Variants in INPP4A observed in about 807,000 individuals in gnomAD.
INPP4A encodes the protein inositol polyphosphate-4-phosphatase, type I, 107kD.
Under a neutral mutation model 119.8 loss-of-function variants are expected in INPP4A, and 33 were observed. That is an observed-to-expected ratio of 0.28 (90% CI 0.21 to 0.37). The LOEUF (loss-of-function observed/expected upper bound fraction) is 0.37, where lower values mean the gene tolerates loss of function less well. Ranked by LOEUF, INPP4A falls within the 10% of genes least tolerant of loss-of-function variation. INPP4A has a pLI of 1.00. For synonymous variants in INPP4A, 496 were observed against 500.7 expected, an observed-to-expected ratio of 0.99 and a Z score of 0.12; for missense variants, 956 against 1,289.9, an observed-to-expected ratio of 0.74 and a Z score of 3.97.
intron 1 of INPP4A, among the ~76,000 whole-genome samples, chr2:98,505,825 A>G (rs1683940421): frequency 6.6e-6 from 1 of 152,212 alleles, no homozygotes; most frequent in Non-Finnish European, 1.5e-5. Context: ...TGTCTCCACC[A>G]TTAGAAATAC....
intron 16 of INPP4A, 151 bp from the exon 17 acceptor site, chr2:98,559,312 G>T: frequency 1.2e-6 from 1 of 805,974 alleles, no homozygotes; most frequent in South Asian, 1.5e-5. Context: ...GCCTTCTTGG[G>T]GAAGAGGCAG....
intron 23 of INPP4A, among the ~76,000 whole-genome samples, chr2:98,574,793 T>G (rs1698142821): frequency 6.6e-6 from 1 of 152,186 alleles, no homozygotes; most frequent in African/African-American, 2.4e-5. Context: ...GTTTGGGAAC[T>G]GTGGTTCTAC....
chr2:98,541,036 A>C (rs1237145349), intron 10 of INPP4A, among the ~76,000 whole-genome samples: 1 of 152,258 alleles, frequency 6.6e-6, no homozygotes, highest in East Asian at 1.9e-4. Flanking sequence ...CTTAAAAATA[A>C]AGGGCAAGAG....
chr2:98,454,246 C>A (rs1204682167), intron 1 of INPP4A, among the ~76,000 whole-genome samples: 2 of 152,234 alleles, frequency 1.3e-5, no homozygotes, highest in East Asian at 3.8e-4. Flanking sequence ...TGACTCCCCG[C>A]TGGAATCCTC....
chr2:98,499,001 A>T (rs1682596139), intron 1 of INPP4A, among the ~76,000 whole-genome samples: 1 of 152,222 alleles, frequency 6.6e-6, no homozygotes, highest in African/African-American at 2.4e-5. Flanking sequence ...ACCTGAGCAG[A>T]CTAATCCACA....
intron 1 of INPP4A, among the ~76,000 whole-genome samples, chr2:98,513,534 T>A (rs1241046692): frequency 1.3e-5 from 2 of 152,248 alleles, no homozygotes; most frequent in African/African-American, 4.8e-5. Flanking sequence ...TGCCATTGGC[T>A]ATTGCTCTGG....
chr2:98,461,142 T>A (rs1018141469), intron 1 of INPP4A, among the ~76,000 whole-genome samples: 17 of 151,986 alleles, frequency 1.1e-4, no homozygotes, highest in African/African-American at 3.6e-4. Flanking sequence ...GAGGGGGTGG[T>A]TTGGTAGTGA....
chr2:98,501,239 CAGG>C (rs1683059180), intron 1 of INPP4A, among the ~76,000 whole-genome samples: 1 of 152,094 alleles, frequency 6.6e-6, no homozygotes, highest in African/African-American at 2.4e-5. Context: ...ATCGCTGAGG[CAGG>C]AGAATTGCTT....
intron 1 of INPP4A, among the ~76,000 whole-genome samples, chr2:98,479,251 T>C (rs1476541988): frequency 6.6e-6 from 1 of 152,184 alleles, no homozygotes. Context: ...GAGGTGCTCC[T>C]GTCCCCATTT....
rs1194285455 is a variant in INPP4A at position 98,593,622 on chromosome 2, T to TGTC, written c.*6015_*6017dup. The TGTC allele has an allele frequency of 1.3e-5, 2 of 152,312 alleles. No individual in the cohort carries two copies. Among genetic ancestry groups the TGTC allele is most frequent in the African/African-American group, 4.8e-5 (2 of 41,464 alleles). The allele number at this position is 152,312 out of a possible 1,614,324, so 9.4% of individuals were successfully genotyped here. A position where few individuals can be genotyped will look rare whatever the true frequency, so the allele number is the denominator to read the frequency against. ...TACCTATACATCTAAGCACCATGCC[T>TGTC]GTCTTGCAGGCATCTCAAATACAGC... On this transcript the variant is annotated 3_prime_UTR_variant, in exon 25 of 25. Coordinates refer to ENST00000409851, the MANE Select transcript of INPP4A (RefSeq NM_001134225.2).
chr2:98,541,482 T>C (rs1691446218), intron 10 of INPP4A, among the ~76,000 whole-genome samples: 1 of 152,260 alleles, frequency 6.6e-6, no homozygotes, highest in Non-Finnish European at 1.5e-5. Context: ...TTGCCCATAT[T>C]TGTGTATATT....
chr2:98,540,509 G>C (rs774108342), intron 10 of INPP4A, among the ~76,000 whole-genome samples: 23 of 152,228 alleles, frequency 1.5e-4, no homozygotes, highest in East Asian at 7.7e-4. Context: ...GTCTCTCTCT[G>C]TTTTAATTTT....
At chr2:98,495,010 C>T (rs528455567) in intron 1 of INPP4A, among the ~76,000 whole-genome samples, 3 of 152,136 alleles carry the variant, frequency 2.0e-5, no homozygotes, top group Non-Finnish European at 4.4e-5. Context: ...GGAGCAAAAT[C>T]AGAGGTTGGG....
rs375093863 is a variant in INPP4A at position 98,546,596 on chromosome 2, C to T, written c.1065C>T (p.Tyr355=). ...CTTTCTGTCATTCAGATCAGAACTA[C>T]GACATCGTCACCATTGGGGCGCCAG... ...VQDDGGSDQN[Y]DIVTIGAPAA... is the part of the protein sequence containing the mutation. The change falls in exon 13 of 25, where the codon TAC becomes TAT. Residue 355 remains tyrosine (Y), a synonymous_variant. Coordinates refer to ENST00000409851, the MANE Select transcript of INPP4A (RefSeq NM_001134225.2). The surrounding 1 kb of genome is among the most constrained non-coding windows in gnomAD (Gnocchi z 4.2). 2.0e-5 allele frequency: 33 copies of T among 1,612,590 alleles called. No homozygotes were observed. The East Asian group carries it at 4.5e-4, about 22-fold the overall frequency.
At chr2:98,465,674 G>T (rs953479085) in intron 1 of INPP4A, among the ~76,000 whole-genome samples, 4 of 152,174 alleles carry the variant, frequency 2.6e-5, no homozygotes, top group African/African-American at 9.7e-5. Context: ...AGACTCTGGG[G>T]TAGCTGACTC....
intron 24 of INPP4A, among the ~76,000 whole-genome samples, chr2:98,585,603 C>T (rs1214197964): frequency 6.6e-6 from 1 of 152,204 alleles, no homozygotes; most frequent in Non-Finnish European, 1.5e-5. Context: ...CATGCCTCGC[C>T]CCGGGCCCTC....
At chr2:98,455,495 A>G (rs1347933830) in intron 1 of INPP4A, among the ~76,000 whole-genome samples, 2 of 152,132 alleles carry the variant, frequency 1.3e-5, no homozygotes, top group Non-Finnish European at 2.9e-5. Context: ...TAGCAGTCTC[A>G]TTTGTGGTTT....
At chr2:98,587,147 A>G (rs1390636500) in intron 24 of INPP4A, among the ~76,000 whole-genome samples, 1 of 152,208 alleles carries the variant, frequency 6.6e-6, no homozygotes, top group African/African-American at 2.4e-5. Flanking sequence ...GGAATCTTTG[A>G]ACCACAAGTT....
intron 24 of INPP4A, among the ~76,000 whole-genome samples, chr2:98,584,526 G>A (rs1699730204): frequency 1.3e-5 from 2 of 152,256 alleles, no homozygotes; most frequent in South Asian, 4.1e-4. Context: ...CTGCGGCCAG[G>A]CCGAGGAGCC....
Sources: gnomAD v4.1 joint callset for allele counts (sites outside exome capture counted in the v4.1 genomes callset) on GRCh38, gnomAD v4.1.1 for gene constraint, Gnocchi (gnomAD v3.1) non-coding constraint, MANE v1.5 for transcripts, NCBI Gene and HGNC (gene_info 2026-07-23, HGNC 2026-07-21) for gene names.